Variants in PLB1 observed in about 807,000 individuals in gnomAD.
The protein encoded by PLB1 is phospholipase B1, membrane-associated.
A neutral mutation model predicts 227.4 loss-of-function variants in PLB1; 242 were observed. The ratio of observed to expected loss-of-function variants is 1.06; its 90% confidence interval spans 0.96 to 1.18. PLB1 has a LOEUF of 1.18. Among genes scored for constraint, PLB1 ranks in the 50% most tolerant of loss-of-function variants. The pLI is 0.00. For synonymous variants in PLB1, 757 were observed against 682.2 expected, an observed-to-expected ratio of 1.11 and a Z score of -1.71; for missense variants, 1,858 against 1,816.3, an observed-to-expected ratio of 1.02 and a Z score of -0.42.
intron 20 of PLB1, among the ~76,000 whole-genome samples, chr2:28,570,677 A>G (rs1272984786): frequency 6.6e-6 from 1 of 152,132 alleles, no homozygotes; most frequent in Non-Finnish European, 1.5e-5. Context: ...TCCCAGCTGC[A>G]TGGGAGGCTG....
intron 21 of PLB1, among the ~76,000 whole-genome samples, chr2:28,577,117 C>T (rs369174774): frequency 1.5e-4 from 23 of 152,190 alleles, no homozygotes; most frequent in African/African-American, 5.1e-4. Flanking sequence ...AGGTATGTTA[C>T]CATGCTCATT....
At chr2:28,593,110 GC>G (rs1245073630) in intron 32 of PLB1, among the ~76,000 whole-genome samples, 2 of 152,160 alleles carry the variant, frequency 1.3e-5, no homozygotes, top group Non-Finnish European at 1.5e-5. Flanking sequence ...TGCATGGAAA[GC>G]AGCAGGACTC....
At chr2:28,604,226 G>A (rs1275574446) in intron 40 of PLB1, among the ~76,000 whole-genome samples, 179 bp downstream of exon 40, 1 of 152,200 alleles carries the variant, frequency 6.6e-6, no homozygotes, top group Admixed American at 6.5e-5. Flanking sequence ...CAGGTGCCCT[G>A]GTTGGAATCA....
chr2:28,555,779 C>A (rs1247132255), intron 17 of PLB1, among the ~76,000 whole-genome samples: 2 of 151,264 alleles, frequency 1.3e-5, no homozygotes, highest in Non-Finnish European at 2.9e-5. Flanking sequence ...TCAACTAGAC[C>A]AAAATGCCTT....
intron 20 of PLB1, among the ~76,000 whole-genome samples, chr2:28,567,620 C>A (rs1013124992): frequency 1.3e-5 from 2 of 151,842 alleles, no homozygotes; most frequent in African/African-American, 2.4e-5. Flanking sequence ...ACTACAGGCC[C>A]CCGCCACCAC....
intron 25 of PLB1, 45 bp downstream of exon 25, chr2:28,582,550 C>A: frequency 6.9e-7 from 1 of 1,448,250 alleles, no homozygotes; most frequent in Non-Finnish European, 9.5e-7. Context: ...ATCCTCACTG[C>A]TAAGGGCAGT....
At chr2:28,615,310 A>G (rs6745525) in intron 44 of PLB1, among the ~76,000 whole-genome samples, 7,194 of 152,176 alleles carry the variant, frequency 0.047, 539 homozygotes, top group African/African-American at 0.16. Flanking sequence ...ATTACTGAGT[A>G]AAACCACTGG....
At chr2:28,540,044 TCCCATACCTACCCCCTAA>T (rs1672260077) in intron 11 of PLB1, among the ~76,000 whole-genome samples, 1 of 55,354 alleles carries the variant, frequency 1.8e-5, no homozygotes, top group Non-Finnish European at 3.4e-5. Context: ...CTTCCCTCCA[TCCCATACCTACCCCCTAA>T]CCCATACCCA....
intron 1 of PLB1, among the ~76,000 whole-genome samples, chr2:28,508,285 C>G (rs760947511): frequency 3.3e-5 from 5 of 152,152 alleles, no homozygotes; most frequent in African/African-American, 7.2e-5. Flanking sequence ...GCCTGCTCAC[C>G]TCATCTCCTC....
intron 56 of PLB1, among the ~76,000 whole-genome samples, chr2:28,638,468 C>T (rs894487521): frequency 6.6e-6 from 1 of 152,036 alleles, no homozygotes; most frequent in African/African-American, 2.4e-5. Flanking sequence ...CTGGCTTACC[C>T]CTGGGTCCGT....
intron 56 of PLB1, among the ~76,000 whole-genome samples, chr2:28,633,975 C>T (rs902310720): frequency 6.6e-6 from 1 of 152,208 alleles, no homozygotes; most frequent in Non-Finnish European, 1.5e-5. Context: ...ACGTTCCCAC[C>T]CCTGTCAGCT....
chr2:28,641,935 C>T (rs1489187012), intron 57 of PLB1, among the ~76,000 whole-genome samples: 1 of 152,136 alleles, frequency 6.6e-6, no homozygotes, highest in Non-Finnish European at 1.5e-5. Context: ...GGTCACCTCC[C>T]TCCATGATAC....
intron 14 of PLB1, among the ~76,000 whole-genome samples, chr2:28,543,803 G>A (rs147950486): frequency 1.3e-5 from 2 of 152,296 alleles, no homozygotes; most frequent in African/African-American, 2.4e-5. Context: ...TATCTAGCGC[G>A]CAGCTCGCTC....
intron 1 of PLB1, among the ~76,000 whole-genome samples, chr2:28,507,502 G>C (rs1171662891): frequency 6.6e-6 from 1 of 152,118 alleles, no homozygotes; most frequent in African/African-American, 2.4e-5. Flanking sequence ...TAATCCATCT[G>C]TGAGGGCAGA....
chr2:28,541,849 G>A lies in PLB1; in HGVS notation c.879+38G>A, dbSNP rs747693673. ...TGCATGGCGTATCAAGAGTGTGGTG[G>A]GGGCCGGGCATGGTGGCTCACTCCT... On this transcript the variant is annotated intron_variant, in intron 13 of 57. Transcript: ENST00000327757. 4 of 1,525,872 alleles carry A rather than the reference G, an allele frequency of 2.6e-6. No homozygotes were observed. In the African/African-American group the frequency reaches 4.1e-5, roughly 16 times the overall value. 94.5% of individuals were successfully genotyped at this position (1,525,872 alleles called of 1,614,324 possible).
intron 55 of PLB1, among the ~76,000 whole-genome samples, 171 bp downstream of exon 55, chr2:28,632,311 T>C (rs1688743651): frequency 6.6e-6 from 1 of 151,984 alleles, no homozygotes; most frequent in African/African-American, 2.4e-5. Flanking sequence ...TGGGCTGTGA[T>C]TGGAACTCAG....
chr2:28,625,843 T>G (rs1687681873), intron 50 of PLB1, among the ~76,000 whole-genome samples: 1 of 151,868 alleles, frequency 6.6e-6, no homozygotes, highest in Non-Finnish European at 1.5e-5. Context: ...GGGACACAAC[T>G]TTCTTAAGAT....
At chr2:28,604,319 G>A (rs1484848838) in intron 40 of PLB1, among the ~76,000 whole-genome samples, 2 of 152,162 alleles carry the variant, frequency 1.3e-5, no homozygotes, top group Non-Finnish European at 2.9e-5. Flanking sequence ...CGTAGCCCTG[G>A]ATGCCTCATG....
intron 40 of PLB1, 120 bp downstream of exon 40, chr2:28,604,167 C>A: frequency 1.1e-6 from 1 of 931,892 alleles, no homozygotes; most frequent in African/African-American, 1.6e-5. Context: ...TGTGGGGAGA[C>A]GGGGAGCAGC....
Sources: gnomAD v4.1 joint callset for allele counts (sites outside exome capture counted in the v4.1 genomes callset) on GRCh38, gnomAD v4.1.1 for gene constraint, MANE v1.5 for transcripts, NCBI Gene and HGNC (gene_info 2026-07-23, HGNC 2026-07-21) for gene names.